The following COL21A1 variants were observed in gnomAD, a reference collection of about 807,000 sequenced individuals.
COL21A1 encodes the protein collagen type XXI alpha 1 chain, also known as collagen alpha-1(XXI) chain.
A neutral mutation model predicts 137.9 loss-of-function variants in COL21A1; 149 were observed. The observed-to-expected ratio is 1.08, with a 90% confidence interval of 0.95 to 1.24. The LOEUF (loss-of-function observed/expected upper bound fraction) is 1.24. Ranked by LOEUF, COL21A1 falls within the 50% of genes most tolerant of loss-of-function variation. The pLI, the probability that COL21A1 is intolerant of heterozygous loss-of-function variation, is 0.00. For missense variants in COL21A1, 1,167 were observed against 1,158.4 expected (o/e 1.01, Z -0.11); for synonymous variants, 456 against 391.5 (o/e 1.16, Z -1.95).
chr6:56,303,067 G>A (rs1764343231), intron 1 of COL21A1, among the ~76,000 whole-genome samples: 1 of 152,000 alleles, frequency 6.6e-6, no homozygotes, highest in Admixed American at 6.6e-5. Flanking sequence ...TCTGAGGGCT[G>A]TGTTCTCTTC....
intron 1 of COL21A1, among the ~76,000 whole-genome samples, chr6:56,282,114 C>G (rs925298120): frequency 2.0e-5 from 3 of 152,080 alleles, no homozygotes. Context: ...GTCAAATAAG[C>G]AACTATTGGT....
intron 1 of COL21A1, among the ~76,000 whole-genome samples, chr6:56,368,587 A>T (rs1766154438): frequency 6.6e-6 from 1 of 152,232 alleles, no homozygotes; most frequent in Admixed American, 6.5e-5. Flanking sequence ...TCATGGTTGG[A>T]ACCAGGTTCT....
At chr6:56,378,497 A>G (rs2094003515) in intron 1 of COL21A1, among the ~76,000 whole-genome samples, 1 of 152,124 alleles carries the variant, frequency 6.6e-6, no homozygotes, top group South Asian at 2.1e-4. Context: ...TCTGCCTTTT[A>G]AAAGAGGAAG....
upstream of COL21A1, among the ~76,000 whole-genome samples, chr6:56,250,746 C>T (rs1414911862): frequency 6.6e-6 from 1 of 152,136 alleles, no homozygotes. Context: ...CATGCAACAA[C>T]AGAAAACTAA....
At chr6:56,206,698 A>ATATATATATC (rs1779809031) in intron 1 of COL21A1, among the ~76,000 whole-genome samples, 1 of 6,806 alleles carries the variant, frequency 1.5e-4, no homozygotes, top group Non-Finnish European at 2.4e-4. Flanking sequence ...AAATAAATAA[A>ATATATATATC]TATATATATA....
At chr6:56,205,352 A>T (rs145541279) in intron 1 of COL21A1, among the ~76,000 whole-genome samples, 1 of 152,310 alleles carries the variant, frequency 6.6e-6, no homozygotes, top group Non-Finnish European at 1.5e-5. Flanking sequence ...AAGTATCAAT[A>T]GCCAAATCGA....
intron 16 of COL21A1, among the ~76,000 whole-genome samples, chr6:56,122,531 T>G (rs79304184): frequency 0.072 from 10,897 of 152,158 alleles, 429 homozygotes; most frequent in Middle Eastern, 0.12. Context: ...ATAATGAAAA[T>G]GTTCTAAAAA....
intron 1 of COL21A1, among the ~76,000 whole-genome samples, chr6:56,310,542 C>T (rs1224534736): frequency 6.6e-6 from 1 of 152,152 alleles, no homozygotes; most frequent in Non-Finnish European, 1.5e-5. Flanking sequence ...AAATTCACCA[C>T]TCCTGATGTT....
At chr6:56,062,160 G>A (rs1362956923) in intron 24 of COL21A1, among the ~76,000 whole-genome samples, 1 of 152,098 alleles carries the variant, frequency 6.6e-6, no homozygotes, top group African/African-American at 2.4e-5. Flanking sequence ...CATTAAAAGT[G>A]ACTAGTAAGA....
intron 1 of COL21A1, among the ~76,000 whole-genome samples, chr6:56,386,031 G>A (rs528875478): frequency 2.0e-5 from 3 of 151,534 alleles, no homozygotes; most frequent in East Asian, 3.9e-4. Context: ...TCCCTGTTAT[G>A]TAAAACAGGA....
intron 1 of COL21A1, among the ~76,000 whole-genome samples, chr6:56,279,756 T>C (rs1484636838): frequency 6.6e-6 from 1 of 152,244 alleles, no homozygotes; most frequent in Non-Finnish European, 1.5e-5. Flanking sequence ...GATACACTAG[T>C]GAGAACACTG....
At chr6:56,205,084 A>G (rs755673947) in intron 1 of COL21A1, among the ~76,000 whole-genome samples, 2 of 152,198 alleles carry the variant, frequency 1.3e-5, no homozygotes, top group Non-Finnish European at 2.9e-5. Context: ...CTTCTCCTCC[A>G]AAGGATCACA....
chr6:56,266,539 A>C (rs923674239), intron 1 of COL21A1, among the ~76,000 whole-genome samples: 1 of 152,258 alleles, frequency 6.6e-6, no homozygotes, highest in African/African-American at 2.4e-5. Flanking sequence ...GGCATTTTAC[A>C]GAAAATCTTT....
intron 16 of COL21A1, among the ~76,000 whole-genome samples, chr6:56,117,454 A>T (rs2152200388): frequency 6.6e-6 from 1 of 152,172 alleles, no homozygotes; most frequent in South Asian, 2.1e-4. Context: ...TATTAGAGCT[A>T]AAGAGAGTGA....
chr6:56,229,206 C>A (rs1038997560), intron 1 of COL21A1, among the ~76,000 whole-genome samples: 1 of 151,776 alleles, frequency 6.6e-6, no homozygotes, highest in Non-Finnish European at 1.5e-5. Flanking sequence ...TACAGAGAAA[C>A]CCTGTCTCTA....
intron 1 of COL21A1, among the ~76,000 whole-genome samples, chr6:56,377,739 G>A (rs576998777): frequency 1.3e-5 from 2 of 152,158 alleles, no homozygotes; most frequent in African/African-American, 2.4e-5. Context: ...CACCAGCTGC[G>A]GCAACTAAGA....
chr6:56,205,360 C>T (rs570227420), intron 1 of COL21A1, among the ~76,000 whole-genome samples: 1 of 151,788 alleles, frequency 6.6e-6, no homozygotes, highest in African/African-American at 2.4e-5. Flanking sequence ...ATAGCCAAAT[C>T]GATCAAGAGG....
At chr6:56,200,653 A>G (rs1378684841) in intron 1 of COL21A1, among the ~76,000 whole-genome samples, 2 of 151,944 alleles carry the variant, frequency 1.3e-5, no homozygotes, top group African/African-American at 2.4e-5. Flanking sequence ...TTATGGCTGC[A>G]TAGTATTCCA....
rs1289705322 is a variant in COL21A1, at chr6:56,290,714, A to G, written c.-39+103257T>C. ...ATGGGGTTTCCCCATGTTGGCCAGG[A>G]TGGTCTTGATCTATTGACCTCGTGA... On this transcript the variant is annotated intron_variant, in intron 1 of 28. Coordinates refer to the COL21A1 transcript ENST00000370819. 4.6e-5 allele frequency among the ~76,000 whole-genome samples: 7 copies of G among 151,976 alleles called. No individual in the cohort carries two copies. In the East Asian group the frequency reaches 1.4e-3, roughly 29 times the overall value.
Sources: gnomAD v4.1 joint callset for allele counts (sites outside exome capture counted in the v4.1 genomes callset) on GRCh38, gnomAD v4.1.1 for gene constraint, MANE v1.5 for transcripts, NCBI Gene and HGNC (gene_info 2026-07-23, HGNC 2026-07-21) for gene names.